Variants in MIR17HG observed in about 807,000 individuals in gnomAD.
MIR17HG encodes the protein miR-17-92a-1 cluster host gene.
intron 3 of MIR17HG, chr13:91,352,437 A>G (rs1348144379): frequency 2.6e-5 from 4 of 152,192 alleles, no homozygotes; most frequent in Admixed American, 2.6e-4. Context: ...GTTTTGAGAA[A>G]TGTCATTGTA....
chr13:91,353,408 TTTG>T (rs1875425752), intron 3 of MIR17HG, among the ~76,000 whole-genome samples: 1 of 152,170 alleles, frequency 6.6e-6, no homozygotes, highest in Admixed American at 6.5e-5. Context: ...ATGTGTATGT[TTTG>T]TTGTGGGTTT....
chr13:91,354,269 A>C (rs1179459283), exon 4 of MIR17HG: 1 of 152,214 alleles, frequency 6.6e-6, no homozygotes, highest in East Asian at 1.9e-4. Flanking sequence ...ATCTTATTAA[A>C]GTCGAAATTA....
At chr13:91,351,848 G>A (rs541193327) in intron 3 of MIR17HG, 27 of 158,788 alleles carry the variant, frequency 1.7e-4, no homozygotes, top group Middle Eastern at 3.4e-3. Context: ...TTAGGGTTGG[G>A]GTACAATTTG....
chr13:91,350,305 T>C (rs1460319424), intron 3 of MIR17HG: 1 of 202,746 alleles, frequency 4.9e-6, no homozygotes, highest in Non-Finnish European at 1.0e-5. Flanking sequence ...TTTTGTTTTT[T>C]TTCTCTATGT....
At chr13:91,351,983 C>G in intron 3 of MIR17HG, 1 of 152,892 alleles carries the variant, frequency 6.5e-6, no homozygotes, top group East Asian at 1.9e-4. Flanking sequence ...CCAAGGTCCT[C>G]AGACTGCTTT....
intron 3 of MIR17HG, among the ~76,000 whole-genome samples, chr13:91,353,780 C>CTT (rs60480664): frequency 0.038 from 5,210 of 137,094 alleles, 173 homozygotes; most frequent in East Asian, 0.083. Context: ...AATGGGTCAA[C>CTT]TTTTTTTTTT....
At chr13:91,354,244 G>A (rs1461264787) in exon 4 of MIR17HG, 1 of 152,092 alleles carries the variant, frequency 6.6e-6, no homozygotes, top group African/African-American at 2.4e-5. Context: ...TTAGCTTAGT[G>A]GTTGTATGAG....
intron 1 of MIR17HG, among the ~76,000 whole-genome samples, chr13:91,349,028 G>A (rs915894722): frequency 6.8e-6 from 1 of 147,974 alleles, no homozygotes; most frequent in South Asian, 2.1e-4. Flanking sequence ...GAAACGGGTT[G>A]GGGGGGTTGC....
intron 3 of MIR17HG, chr13:91,351,441 C>A (rs190933807): frequency 2.0e-6 from 1 of 498,296 alleles, no homozygotes; most frequent in Non-Finnish European, 4.3e-6. Context: ...CTGAAGATTT[C>A]GACTTCCACT....
chr13:91,351,972 ACCAAGGT>A (rs1875340734), intron 3 of MIR17HG: 1 of 153,362 alleles, frequency 6.5e-6, no homozygotes, highest in Admixed American at 6.4e-5. Flanking sequence ...GCTATAAATG[ACCAAGGT>A]CCTCAGACTG....
Position 91,350,393 on chromosome 13 carries a change from C to G in MIR17HG, n.284+167C>G, listed in dbSNP as rs140053713. The G allele has an allele frequency of 2.7e-3, 906 of 331,596 alleles. 8 individuals carry two copies. The highest frequency in any genetic ancestry group is 0.018 in the African/African-American group (846 of 46,476). The allele number at this position is 331,596 out of a possible 1,614,324, so 20.5% of individuals were successfully genotyped here. ...TAGTTGGATGGTTGGTTATGATTGC[C>G]TTCTGTAAAGAATTCTTAAGGCATA... On this transcript the variant is annotated intron_variant and non_coding_transcript_variant, in intron 3 of 3. Coordinates refer to ENST00000400282, the Ensembl canonical transcript of MIR17HG.
intron 1 of MIR17HG, among the ~76,000 whole-genome samples, chr13:91,349,469 A>G (rs372644069): frequency 4.6e-5 from 7 of 151,996 alleles, no homozygotes; most frequent in East Asian, 3.9e-4. Context: ...TTATTTAGAC[A>G]TGTATCTGAT....
chr13:91,351,687 G>T, intron 3 of MIR17HG: 1 of 220,290 alleles, frequency 4.5e-6, no homozygotes, highest in Non-Finnish European at 9.7e-6. Context: ...ATATCTTTTT[G>T]CTTTCTTTGG....
chr13:91,350,538 A>G lies in MIR17HG; in HGVS notation n.284+312A>G, dbSNP rs1053886579. 7.5e-6 allele frequency: 4 copies of G among 531,268 alleles called. No homozygotes were observed. In the East Asian group the frequency reaches 1.6e-4, roughly 22 times the overall value. The allele number at this position is 531,268 out of a possible 1,614,324, so 32.9% of individuals were successfully genotyped here. A position where few individuals can be genotyped will look rare whatever the true frequency, so the allele number is the denominator to read the frequency against. Reference sequence around the variant, plus strand: ...TGTTAGAGTTTGAGGTGTTAATTCTAATTATCTATTTCAAATTTAGCAGGA... The same window carrying G: ...TGTTAGAGTTTGAGGTGTTAATTCTGATTATCTATTTCAAATTTAGCAGGA... On this transcript the variant is annotated intron_variant and non_coding_transcript_variant, in intron 3 of 3. Transcript: ENST00000400282.
rs1194885752 is a variant in MIR17HG at position 91,350,581 on chromosome 13, T to C, written n.284+355T>C. On this transcript the variant is annotated intron_variant and non_coding_transcript_variant, in intron 3 of 3. Transcript: ENST00000400282. ...TAGCAGGAAAAAAGAGAACATCACC[T>C]TGTAAAACTGAAGATTGTGACCAGT... is the stretch of plus-strand genomic sequence containing the variant. The C allele has an allele frequency of 5.6e-6, 3 of 533,624 alleles. No homozygotes were observed. The African/African-American group carries it at 5.8e-5, about 10-fold the overall frequency. 33.1% of individuals were successfully genotyped at this position (533,624 alleles called of 1,614,324 possible).
chr13:91,353,645 C>G (rs1875434134), intron 3 of MIR17HG, among the ~76,000 whole-genome samples: 1 of 152,210 alleles, frequency 6.6e-6, no homozygotes, highest in Admixed American at 6.5e-5. Flanking sequence ...GGCCTCATCT[C>G]TGACCTGAGA....
chr13:91,353,588 G>GT lies in MIR17HG; in HGVS notation n.285-343dup, dbSNP rs374037722. Reference sequence around the variant, plus strand: ...AGTATTGTATAAAAAGATTCACATTGTTAATTTAGCCATTTTGAAATTCAG... The same window carrying GT: ...AGTATTGTATAAAAAGATTCACATTGTTTAATTTAGCCATTTTGAAATTCAG... On this transcript the variant is annotated intron_variant and non_coding_transcript_variant, in intron 3 of 3. Coordinates refer to ENST00000400282, the Ensembl canonical transcript of MIR17HG. Among the ~76,000 whole-genome samples the GT allele has an allele frequency of 1.8e-3, 280 of 152,316 alleles. 1 individual carries two copies. The highest frequency in any genetic ancestry group is 6.4e-3 in the African/African-American group (268 of 41,562).
At chr13:91,351,703 G>A (rs1183438628) in intron 3 of MIR17HG, 1 of 213,296 alleles carries the variant, frequency 4.7e-6, no homozygotes, top group Non-Finnish European at 1.0e-5. Flanking sequence ...TTTGGAGTTA[G>A]TGTTATTCCA....
intron 3 of MIR17HG, among the ~76,000 whole-genome samples, chr13:91,352,953 A>G (rs1284019677): frequency 6.6e-6 from 1 of 151,852 alleles, no homozygotes; most frequent in Non-Finnish European, 1.5e-5. Context: ...TACTAAAAAT[A>G]TAAAAAATTA....
Sources: allele counts gnomAD v4.1 joint callset (sites outside exome capture counted in the v4.1 genomes callset), GRCh38; gene constraint gnomAD v4.1.1; transcripts MANE v1.5; gene names NCBI Gene and HGNC (gene_info 2026-07-23, HGNC 2026-07-21).